Variants in CDH4 observed in about 807,000 individuals in gnomAD.
The protein encoded by CDH4 is cadherin-4.
CDH4 carries 33 observed loss-of-function variants against 86.0 expected under a neutral mutation model. That is an observed-to-expected ratio of 0.38 (90% CI 0.29 to 0.51). The LOEUF (loss-of-function observed/expected upper bound fraction) is 0.51, where lower values mean the gene tolerates loss of function less well. CDH4 is among the 20% of genes least tolerant of loss of function. CDH4 has a pLI of 0.86. For synonymous variants in CDH4, 555 were observed against 549.4 expected (o/e 1.01, Z -0.14); for missense variants, 1,114 against 1,307.4 (o/e 0.85, Z 2.28).
At chr20:61,779,112 C>G (rs1169063356) in intron 4 of CDH4, among the ~76,000 whole-genome samples, 1 of 152,148 alleles carries the variant, frequency 6.6e-6, no homozygotes, top group African/African-American at 2.4e-5. Context: ...TGACTCCTGG[C>G]GAGATTCAGA....
chr20:61,690,236 G>A (rs2087638503), intron 2 of CDH4, among the ~76,000 whole-genome samples: 2 of 152,076 alleles, frequency 1.3e-5, no homozygotes, highest in Admixed American at 1.3e-4. Context: ...TGTGTAATTG[G>A]GCGGGGACAG....
chr20:61,462,388 A>G (rs1383734077), intron 2 of CDH4, among the ~76,000 whole-genome samples: 2 of 152,214 alleles, frequency 1.3e-5, no homozygotes, highest in South Asian at 4.1e-4. Flanking sequence ...GTGGATCTTC[A>G]GAGGTGTGGA....
intron 2 of CDH4, among the ~76,000 whole-genome samples, chr20:61,555,494 C>T (rs751138191): frequency 6.6e-6 from 1 of 152,190 alleles, no homozygotes; most frequent in African/African-American, 2.4e-5. Flanking sequence ...GTGCCTCCCT[C>T]ACTCTCCAGC....
At chr20:61,329,345 T>TCCCCCCGTGGG (rs2084556070) in intron 2 of CDH4, among the ~76,000 whole-genome samples, 1 of 151,128 alleles carries the variant, frequency 6.6e-6, no homozygotes, top group East Asian at 1.9e-4. Flanking sequence ...GTCCTCATGG[T>TCCCCCCGTGGG]TCCCTCGTGG....
chr20:61,693,920 T>A (rs2087689095), intron 2 of CDH4, among the ~76,000 whole-genome samples: 1 of 133,584 alleles, frequency 7.5e-6, no homozygotes, highest in Non-Finnish European at 1.5e-5. Flanking sequence ...TGAGACAGAG[T>A]CTTGCTCTGT....
chr20:61,636,910 C>T (rs1011408321), intron 2 of CDH4, among the ~76,000 whole-genome samples: 7 of 152,146 alleles, frequency 4.6e-5, no homozygotes, highest in African/African-American at 1.4e-4. Context: ...GCACCAGGGC[C>T]GGGCCACTCA....
chr20:61,413,896 A>G (rs1446700028), intron 2 of CDH4, among the ~76,000 whole-genome samples: 3 of 152,202 alleles, frequency 2.0e-5, no homozygotes, highest in East Asian at 1.9e-4. Flanking sequence ...CAGCTTCAAC[A>G]TGGCTCATTT....
chr20:61,433,235 T>C (rs967715822), intron 2 of CDH4, among the ~76,000 whole-genome samples: 1 of 152,206 alleles, frequency 6.6e-6, no homozygotes, highest in Non-Finnish European at 1.5e-5. Context: ...CAATTGTTGG[T>C]GCACCATTTG....
chr20:61,604,500 G>T (rs866210671), intron 2 of CDH4, among the ~76,000 whole-genome samples: 10 of 152,168 alleles, frequency 6.6e-5, no homozygotes, highest in African/African-American at 2.4e-4. Flanking sequence ...GAGGCCAGCC[G>T]AGATGAGATT....
At chr20:61,326,661 TGTGGG>T (rs1165754310) in intron 2 of CDH4, among the ~76,000 whole-genome samples, 1 of 152,206 alleles carries the variant, frequency 6.6e-6, no homozygotes, top group Non-Finnish European at 1.5e-5. Flanking sequence ...TGTGGCTGCA[TGTGGG>T]GTTTGCAAAT....
At chr20:61,900,291 C>T (rs1037481176) in intron 8 of CDH4, among the ~76,000 whole-genome samples, 4 of 151,890 alleles carry the variant, frequency 2.6e-5, no homozygotes, top group Non-Finnish European at 4.4e-5. Context: ...AAAATTAGAA[C>T]GGACTCAGTG....
chr20:61,588,549 T>G (rs142037278), intron 2 of CDH4, among the ~76,000 whole-genome samples: 20 of 152,290 alleles, frequency 1.3e-4, no homozygotes, highest in Admixed American at 4.6e-4. Flanking sequence ...AATGACTCAT[T>G]CCCCGCTGAG....
chr20:61,908,945 C>G (rs1016170435), intron 8 of CDH4, among the ~76,000 whole-genome samples: 1 of 152,208 alleles, frequency 6.6e-6, no homozygotes, highest in African/African-American at 2.4e-5. Context: ...CTCCGTGACT[C>G]CTGGCTGAGG....
intron 2 of CDH4, among the ~76,000 whole-genome samples, chr20:61,331,604 G>A (rs7273779): frequency 0.026 from 2,589 of 98,342 alleles, no homozygotes; most frequent in African/African-American, 0.053. Flanking sequence ...CTCCTGCCCC[G>A]GCCACCTGCC....
At chr20:61,934,723 C>T (rs113148429) in intron 15 of CDH4, among the ~76,000 whole-genome samples, 1 of 146,818 alleles carries the variant, frequency 6.8e-6, no homozygotes, top group Non-Finnish European at 1.5e-5. Context: ...ACTTGCCCCC[C>T]CTCCCCACCC....
intron 2 of CDH4, among the ~76,000 whole-genome samples, chr20:61,351,569 G>A (rs920659813): frequency 6.6e-6 from 1 of 152,164 alleles, no homozygotes; most frequent in Non-Finnish European, 1.5e-5. Flanking sequence ...CAGCAGGTAT[G>A]TATGTGTATG....
intron 2 of CDH4, among the ~76,000 whole-genome samples, chr20:61,312,672 C>G (rs762892901): frequency 6.6e-6 from 1 of 152,164 alleles, no homozygotes; most frequent in Non-Finnish European, 1.5e-5. Flanking sequence ...GCTTGGCCAG[C>G]GTTCTCCTTC....
intron 11 of CDH4, 115 bp from the exon 12 acceptor site, chr20:61,928,075 A>G (rs2055064230): frequency 7.4e-6 from 6 of 816,056 alleles, no homozygotes; most frequent in South Asian, 4.4e-5. Flanking sequence ...GGGTCTGCAC[A>G]TGTGTCCCTG....
At chr20:61,924,935 C>A (rs553128397) in intron 11 of CDH4, among the ~76,000 whole-genome samples, 20 of 152,334 alleles carry the variant, frequency 1.3e-4, no homozygotes, top group African/African-American at 4.8e-4. Context: ...TTGCCACAGA[C>A]CCCATCCTGC....
Sources: allele counts gnomAD v4.1 joint callset (sites outside exome capture counted in the v4.1 genomes callset), GRCh38; gene constraint gnomAD v4.1.1; transcripts MANE v1.5; gene names NCBI Gene and HGNC (gene_info 2026-07-23, HGNC 2026-07-21).